GC: variants seen among roughly 807,000 people sequenced by gnomAD.
The protein encoded by GC is vitamin D-binding protein.
In GC, 43 loss-of-function variants were observed where a neutral mutation model predicts 56.7. The observed-to-expected ratio is 0.76, with a 90% CI of 0.59 to 0.98. The LOEUF (loss-of-function observed/expected upper bound fraction) is 0.98. GC is among the 50% of genes least tolerant of loss of function. The probability of loss-of-function intolerance (pLI) is 0.00; values close to 1 mark genes in which losing one functional copy is unlikely to be tolerated. For synonymous variants in GC, 216 were observed against 202.7 expected (o/e 1.07, Z -0.56); for missense variants, 529 against 545.9 (o/e 0.97, Z 0.31).
chr4:71,763,749 G>A (rs1742061666), intron 5 of GC, 55 bp downstream of exon 5: 3 of 1,427,814 alleles, frequency 2.1e-6, no homozygotes, highest in South Asian at 1.3e-5. Context: ...TTATCTAAAA[G>A]GAATGCTATT....
At chr4:71,773,087 A>G (rs546674788) in intron 1 of GC, among the ~76,000 whole-genome samples, 1 of 152,212 alleles carries the variant, frequency 6.6e-6, no homozygotes, top group Non-Finnish European at 1.5e-5. Flanking sequence ...TTCCTGTCTC[A>G]AATGAACTGT....
chr4:71,763,340 A>T (rs543654423), intron 6 of GC, 68 bp downstream of exon 6: 4 of 732,730 alleles, frequency 5.5e-6, no homozygotes, highest in Non-Finnish European at 9.1e-6. Context: ...TCTTAAAAAA[A>T]CCCTAATATT....
intron 7 of GC, 86 bp downstream of exon 7, chr4:71,757,956 A>AATAGAACTT (rs1255216146): frequency 9.2e-6 from 10 of 1,090,878 alleles, no homozygotes; most frequent in African/African-American, 4.7e-5. Context: ...ATGCATATGA[A>AATAGAACTT]ATAGAACTTA....
chr4:71,799,928 G>T (rs1443179853), intron 1 of GC, among the ~76,000 whole-genome samples: 1 of 152,106 alleles, frequency 6.6e-6, no homozygotes, highest in Non-Finnish European at 1.5e-5. Context: ...TCAAACACTG[G>T]CCTCAGGAGC....
At chr4:71,800,106 A>G (rs2149311177) in intron 1 of GC, among the ~76,000 whole-genome samples, 1 of 151,430 alleles carries the variant, frequency 6.6e-6, no homozygotes, top group African/African-American at 2.4e-5. Flanking sequence ...TCTGGGATAC[A>G]TGTGCAGAAC....
In GC at chr4:71,773,231, C is replaced by T. The variant is rs145005866; in HGVS notation, c.59-3831G>A. Among the ~76,000 whole-genome samples, 77 of 152,196 alleles carry T rather than the reference C, an allele frequency of 5.1e-4. No homozygotes were observed. The Middle Eastern group carries it at 0.01, about 20-fold the overall frequency. On this transcript the variant is annotated intron_variant, in intron 1 of 12. Coordinates refer to ENST00000273951, the MANE Select transcript of GC (RefSeq NM_000583.4). ...ATCACTTTCACATGAAGTGACCCCC[C>T]ACAGTACTAAGTGTTTACAAATTTC...
intron 1 of GC, among the ~76,000 whole-genome samples, chr4:71,791,362 GTATTT>G (rs886441056): frequency 6.6e-6 from 1 of 151,956 alleles, no homozygotes; most frequent in Non-Finnish European, 1.5e-5. Flanking sequence ...CCTGTGGGTA[GTATTT>G]TTTTTCCTCT....
intron 11 of GC, among the ~76,000 whole-genome samples, chr4:71,747,137 T>A (rs1317340658): frequency 6.6e-6 from 1 of 152,164 alleles, no homozygotes; most frequent in Non-Finnish European, 1.5e-5. Flanking sequence ...TAAATGATGA[T>A]AATATTCATA....
At chr4:71,772,808 G>T (rs956169141) in intron 1 of GC, among the ~76,000 whole-genome samples, 3 of 152,108 alleles carry the variant, frequency 2.0e-5, no homozygotes, top group African/African-American at 7.2e-5. Context: ...AGAGGAAGCT[G>T]TTGCACCATG....
intron 1 of GC, among the ~76,000 whole-genome samples, chr4:71,794,916 C>T (rs561476860): frequency 2.0e-5 from 3 of 152,102 alleles, no homozygotes; most frequent in Admixed American, 6.5e-5. Context: ...TCGTTATTTA[C>T]CCAGTAGTCA....
At chr4:71,779,565 G>C (rs1742610964) in intron 1 of GC, among the ~76,000 whole-genome samples, 1 of 151,792 alleles carries the variant, frequency 6.6e-6, no homozygotes, top group Admixed American at 6.6e-5. Context: ...AAAAATAGGA[G>C]AGAGAGAGAA....
At chr4:71,792,582 T>C (rs1742998572) in intron 1 of GC, among the ~76,000 whole-genome samples, 1 of 152,184 alleles carries the variant, frequency 6.6e-6, no homozygotes, top group Non-Finnish European at 1.5e-5. Flanking sequence ...GATGGGTACA[T>C]TGCAAAAATT....
upstream of GC, chr4:71,784,083 C>A: frequency 6.5e-7 from 1 of 1,547,230 alleles, no homozygotes; most frequent in Non-Finnish European, 8.7e-7. Context: ...AAGTGGTAGC[C>A]AAAAGTAATT....
chr4:71,784,564 C>T (rs1384629314), upstream of GC, among the ~76,000 whole-genome samples: 1 of 151,616 alleles, frequency 6.6e-6, no homozygotes, highest in Non-Finnish European at 1.5e-5. Context: ...AGTGAGAAGC[C>T]AATTCAACAT....
chr4:71,802,068 A>C (rs2149311646), intron 1 of GC, among the ~76,000 whole-genome samples: 1 of 150,806 alleles, frequency 6.6e-6, no homozygotes, highest in South Asian at 2.1e-4. Context: ...AGCCTTTAAA[A>C]CCCCATTATT....
At chr4:71,793,142 A>C (rs2149309390) in intron 1 of GC, among the ~76,000 whole-genome samples, 1 of 152,218 alleles carries the variant, frequency 6.6e-6, no homozygotes, top group Admixed American at 6.5e-5. Flanking sequence ...TTGGCAAGTC[A>C]GGCTCTTTTT....
At position 71,777,137 on chromosome 4, in the gene GC, T is replaced by C. The variant is rs112765423; in HGVS notation, c.58+6824A>G. On this transcript the variant is annotated intron_variant, in intron 1 of 12. Coordinates refer to ENST00000273951, the MANE Select transcript of GC (RefSeq NM_000583.4). ...TATGGCCAAAAGAGTTTTATGGTGC[T>C]TGTCTGCTATAGTGATGTGTTAGCA... is the stretch of plus-strand genomic sequence containing the variant. Among the ~76,000 whole-genome samples the C allele has an allele frequency of 1.1e-3, 160 of 151,952 alleles. 1 individual carries two copies. Among genetic ancestry groups the C allele is most frequent in the African/African-American group, 3.8e-3 (156 of 41,534 alleles).
At chr4:71,763,703 A>G in intron 5 of GC, 101 bp downstream of exon 5, 1 of 1,064,920 alleles carries the variant, frequency 9.4e-7, no homozygotes, top group Non-Finnish European at 1.4e-6. Context: ...GGCATTTTAG[A>G]AACTTTTACT....
At chr4:71,767,984 A>C (rs1470391478) in intron 3 of GC, among the ~76,000 whole-genome samples, 1 of 152,200 alleles carries the variant, frequency 6.6e-6, no homozygotes, top group Non-Finnish European at 1.5e-5. Context: ...GATCAAATGT[A>C]TGGTGATAAA....
Sources: gnomAD v4.1 joint callset for allele counts (sites outside exome capture counted in the v4.1 genomes callset) on GRCh38, gnomAD v4.1.1 for gene constraint, MANE v1.5 for transcripts, NCBI Gene and HGNC (gene_info 2026-07-23, HGNC 2026-07-21) for gene names.